PI4KA: variants seen among roughly 807,000 people sequenced by gnomAD.
The protein encoded by PI4KA is phosphatidylinositol 4-kinase alpha.
Under a neutral mutation model 271.4 loss-of-function variants are expected in PI4KA, and 122 were observed. That is an observed-to-expected ratio of 0.45 (90% CI 0.39 to 0.52). The LOEUF is 0.52. PI4KA is among the 20% of genes least tolerant of loss of function. The pLI, the probability that PI4KA is intolerant of heterozygous loss-of-function variation, is 0.00. For missense variants in PI4KA, 1,969 were observed against 2,769.1 expected (o/e 0.71, Z 6.48); for synonymous variants, 1,041 against 1,078.8 (o/e 0.96, Z 0.69).
intron 32 of PI4KA, among the ~76,000 whole-genome samples, chr22:20,738,096 G>A (rs975114300): frequency 1.3e-5 from 2 of 152,202 alleles, no homozygotes; most frequent in Non-Finnish European, 2.9e-5. Flanking sequence ...TCTGGGAAGT[G>A]GAGAGTCCCA....
intron 53 of PI4KA, 52 bp downstream of exon 53, chr22:20,709,856 G>A (rs949222667): frequency 3.0e-6 from 3 of 984,676 alleles, no homozygotes; most frequent in African/African-American, 3.2e-5. Context: ...TGGAGCCTCA[G>A]CTAATGGACA....
chr22:20,808,165 C>A (rs981168355), intron 9 of PI4KA, among the ~76,000 whole-genome samples: 8 of 151,896 alleles, frequency 5.3e-5, no homozygotes, highest in African/African-American at 1.9e-4. Context: ...TGGTACATGA[C>A]TGTAATCCCA....
chr22:20,738,972 G>A (rs1929056565), intron 32 of PI4KA, among the ~76,000 whole-genome samples: 1 of 149,938 alleles, frequency 6.7e-6, no homozygotes. Flanking sequence ...GGAGGCCGAG[G>A]CAGGCGGATC....
chr22:20,733,967 T>C, intron 34 of PI4KA, 76 bp downstream of exon 34: 3 of 1,521,432 alleles, frequency 2.0e-6, no homozygotes, highest in South Asian at 2.5e-5. Context: ...TCTACAGAAG[T>C]ACCGTGATAC....
chr22:20,803,183 G>GA lies in PI4KA; in HGVS notation c.1591+7_1591+8insT, dbSNP rs1935431270. The GA allele has an allele frequency of 6.2e-7, 1 of 1,613,760 alleles. No homozygotes were observed. The stretch of plus-strand genomic sequence containing the variant: ...TCAGGGCCTGAAGGGCACATAGTCT[G>GA]TTATTACCTGTGTGGTACTGACTGT... On this transcript the variant is annotated splice_region_variant and intron_variant, in intron 13 of 54. Transcript: ENST00000255882.
rs1262873675 is a variant in PI4KA, at chr22:20,742,751, A to C, written c.3470T>G (p.Ile1157Ser). 6.2e-7 allele frequency: 1 copy of C among 1,614,054 alleles called. No individual in the cohort carries two copies. The highest frequency in any genetic ancestry group is 2.2e-5 in the East Asian group (1 of 44,878). The change falls in exon 31 of 55, where the codon ATT becomes AGT. Residue 1157 changes from isoleucine (I) to serine (S), a missense_variant. This residue lies in a region of PI4KA where 203 missense variants were observed against 256.8 expected (regional missense o/e 0.79). Transcript: ENST00000255882. ...NRYAGEVYGM[I>S]RFSGTTGQMS... ...CTGGCCTGTGGTGCCTGAGAACCGA[A>C]TCATTCCATACACCTGCAAAAACAT...
chr22:20,799,711 T>C lies in PI4KA; in HGVS notation c.1780A>G (p.Ser594Gly). Residue 594 changes from serine to glycine, a missense_variant, in exon 15 of 55, where the codon AGC (serine) becomes GGC (glycine). This residue lies in a region of PI4KA where 228 missense variants were observed against 261.6 expected (regional missense o/e 0.87). Transcript: ENST00000255882. Reference protein sequence around the residue: ...DPVIVEAFLASLSNRLYISQE... With the variant: ...DPVIVEAFLAGLSNRLYISQE... ...GAGATGTAGAGCCGGTTGGACAGGC[T>C]GGCCAAGAACGCCTCCACAATCACT... 2 of 1,553,160 alleles carry C rather than the reference T, an allele frequency of 1.3e-6. No individual in the cohort carries two copies. Among genetic ancestry groups the C allele is most frequent in the Non-Finnish European group, 1.7e-6 (2 of 1,147,802 alleles).
At position 20,838,751 on chromosome 22, in the gene PI4KA, C is replaced by G. The variant is rs1569090058; in HGVS notation, c.157-20G>C. On this transcript the variant is annotated intron_variant, in intron 1 of 54. Transcript: ENST00000255882. Reference sequence around the variant, plus strand: ...TTGGACCTAGAAAATGAGACCCCCCCAAAAACAGCTCTACAAAATAGAAAA... The same window carrying G: ...TTGGACCTAGAAAATGAGACCCCCCGAAAAACAGCTCTACAAAATAGAAAA... 24 of 1,381,790 alleles carry G rather than the reference C, an allele frequency of 1.7e-5. No individual in the cohort carries two copies. The highest frequency in any genetic ancestry group is 2.5e-5 in the Non-Finnish European group (24 of 972,112). The allele number at this position is 1,381,790 out of a possible 1,614,324, so 85.6% of individuals were successfully genotyped here.
intron 45 of PI4KA, among the ~76,000 whole-genome samples, chr22:20,716,303 T>C (rs1309881145): frequency 1.3e-5 from 2 of 152,124 alleles, no homozygotes; most frequent in Admixed American, 6.6e-5. Context: ...CCACCTGCCT[T>C]GGCCTCCCAA....
At chr22:20,797,131 G>A (rs1046253340) in intron 17 of PI4KA, among the ~76,000 whole-genome samples, 4 of 152,302 alleles carry the variant, frequency 2.6e-5, no homozygotes, top group Non-Finnish European at 2.9e-5. Flanking sequence ...CCAGAGCAAC[G>A]GCAGCCACGG....
At chr22:20,732,705 C>T (rs1396176306) in intron 36 of PI4KA, among the ~76,000 whole-genome samples, 1 of 152,196 alleles carries the variant, frequency 6.6e-6, no homozygotes, top group Non-Finnish European at 1.5e-5. Flanking sequence ...GGTGTGTGAA[C>T]GCAGCTGGTG....
Position 20,838,658 on chromosome 22 carries a change from G to A in PI4KA, c.230C>T (p.Ala77Val), listed in dbSNP as rs766475127. ...CAGAAAAATGCCCAATGCAATCACTGCATCTCTCCGTCTTTCATCTAACTG... is the reference window on the plus strand; with the variant it reads ...CAGAAAAATGCCCAATGCAATCACTACATCTCTCCGTCTTTCATCTAACTG... Reference protein sequence around the residue: ...IFQLDERRRDAVIALGIFLIE... With the variant: ...IFQLDERRRDVVIALGIFLIE... Residue 77 changes from alanine to valine, a missense_variant, in exon 2 of 55, where the codon GCA becomes GTA. Ala to Val is a moderately conservative substitution (Grantham distance 64, BLOSUM62 0). Around this residue, in one of 13 missense-constraint regions of PI4KA, gnomAD observed 540 missense variants for 555.5 expected, o/e 0.97. Coordinates refer to ENST00000255882, the MANE Select transcript of PI4KA (RefSeq NM_058004.4). 7.4e-6 allele frequency: 12 copies of A among 1,612,176 alleles called. No individual in the cohort carries two copies. The highest frequency in any genetic ancestry group is 1.0e-5 in the Non-Finnish European group (12 of 1,178,388).
chr22:20,779,151 A>G (rs1202479010), intron 19 of PI4KA: 26 of 1,530,262 alleles, frequency 1.7e-5, no homozygotes, highest in Non-Finnish European at 2.1e-5. Context: ...AGATTCTCTT[A>G]AAGTCCATGA....
intron 41 of PI4KA, 67 bp from the exon 42 acceptor site, chr22:20,726,608 C>A (rs1927384207): frequency 5.7e-6 from 8 of 1,406,728 alleles, no homozygotes; most frequent in South Asian, 1.4e-5. Context: ...ACGGCCCAGG[C>A]CCTGCCTCTG....
chr22:20,771,367 G>GA (rs1235730568), intron 19 of PI4KA, among the ~76,000 whole-genome samples: 2 of 150,794 alleles, frequency 1.3e-5, no homozygotes, highest in African/African-American at 4.9e-5. Context: ...AGCTTGCAGT[G>GA]AGCTGAGATT....
intron 43 of PI4KA, among the ~76,000 whole-genome samples, chr22:20,719,235 T>G (rs1339670006): frequency 2.6e-5 from 4 of 151,764 alleles, no homozygotes; most frequent in African/African-American, 9.7e-5. Flanking sequence ...AACTCTACCC[T>G]GAATACATGT....
intron 3 of PI4KA, among the ~76,000 whole-genome samples, chr22:20,829,000 T>A (rs577310401): frequency 6.6e-6 from 1 of 152,350 alleles, no homozygotes; most frequent in East Asian, 1.9e-4. Flanking sequence ...CGATCCTGTA[T>A]CCCAGGGATA....
At chr22:20,762,526 G>A (rs1443235173) in intron 22 of PI4KA, among the ~76,000 whole-genome samples, 1 of 152,174 alleles carries the variant, frequency 6.6e-6, no homozygotes, top group Admixed American at 6.5e-5. Context: ...GTCTTCCTCT[G>A]CCAGTTAAGA....
rs1215379252 is a variant in PI4KA at position 20,832,266 on chromosome 22, G to A, written c.367+2296C>T. Among the ~76,000 whole-genome samples the A allele has an allele frequency of 6.0e-5, 9 of 150,070 alleles. No homozygotes were observed. The East Asian group carries it at 1.8e-3, about 30-fold the overall frequency. On this transcript the variant is annotated intron_variant, in intron 3 of 54. Coordinates refer to ENST00000255882, the MANE Select transcript of PI4KA (RefSeq NM_058004.4). ...AAGTAGCTGGGATTTACAGGCGTGC[G>A]CCACCACACCCAGCCGATTTTTGTA...
Sources: allele counts gnomAD v4.1 joint callset (sites outside exome capture counted in the v4.1 genomes callset), GRCh38; gene constraint gnomAD v4.1.1; regional missense constraint gnomAD v4.1.1; transcripts MANE v1.5; gene names NCBI Gene and HGNC (gene_info 2026-07-23, HGNC 2026-07-21).